The following C1QTNF2 variants were observed in gnomAD, a reference collection of about 807,000 sequenced individuals.
C1QTNF2 encodes the protein C1q and TNF related 2, also known as complement C1q tumor necrosis factor-related protein 2.
C1QTNF2 carries 15 observed loss-of-function variants against 17.4 expected under a neutral mutation model. The ratio of observed to expected loss-of-function variants is 0.86; its 90% CI spans 0.58 to 1.33. The LOEUF (loss-of-function observed/expected upper bound fraction) is 1.33. Ranked by LOEUF, C1QTNF2 falls within the 40% of genes most tolerant of loss-of-function variation. The pLI is 0.00. For missense variants in C1QTNF2, 381 were observed against 392.3 expected, an observed-to-expected ratio of 0.97 and a Z score of 0.24; for synonymous variants, 154 against 163.3, an observed-to-expected ratio of 0.94 and a Z score of 0.44.
At chr5:160,356,486 T>A (rs887919028) in intron 1 of C1QTNF2, among the ~76,000 whole-genome samples, 11 of 152,232 alleles carry the variant, frequency 7.2e-5, no homozygotes. Context: ...CTAATAAGTT[T>A]CCAAGGGATG....
At chr5:160,358,981 A>AT (rs761548097) in intron 1 of C1QTNF2, among the ~76,000 whole-genome samples, 3 of 151,956 alleles carry the variant, frequency 2.0e-5, no homozygotes, top group Non-Finnish European at 4.4e-5. Context: ...GGGTCTTGCC[A>AT]TGTCATCCGC....
At chr5:160,368,886 G>A (rs1764295749) in intron 1 of C1QTNF2, among the ~76,000 whole-genome samples, 1 of 152,136 alleles carries the variant, frequency 6.6e-6, no homozygotes, top group African/African-American at 2.4e-5. Context: ...GGCTTCAAAC[G>A]TGACTCCAGC....
chr5:160,348,991 G>A lies in C1QTNF2; in HGVS notation c.*177C>T. On this transcript the variant is annotated 3_prime_UTR_variant, in exon 3 of 3. Coordinates refer to ENST00000652664, the MANE Select transcript of C1QTNF2 (RefSeq NM_031908.6). Reference sequence around the variant, plus strand: ...TTAAAAAGAAGTGAATAAATAGATGGTTGGATGAATAAAAAGGTTTGGATT... The same window carrying A: ...TTAAAAAGAAGTGAATAAATAGATGATTGGATGAATAAAAAGGTTTGGATT... The A allele has an allele frequency of 1.4e-6, 1 of 690,382 alleles. No individual in the cohort carries two copies. Among genetic ancestry groups the A allele is most frequent in the Non-Finnish European group, 2.4e-6 (1 of 425,072 alleles). The allele number at this position is 690,382 out of a possible 1,614,324, so 42.8% of individuals were successfully genotyped here.
rs1211549013 is a variant in C1QTNF2 at position 160,348,619 on chromosome 5, T to C, written c.*549A>G. On this transcript the variant is annotated 3_prime_UTR_variant, in exon 3 of 3. Coordinates refer to ENST00000652664, the MANE Select transcript of C1QTNF2 (RefSeq NM_031908.6). Reference sequence around the variant, plus strand: ...GGGAAGGGAGGTGAGAAGTTGGAAATAGCTTGTTCTTTGATCTACATGGAG... The same window carrying C: ...GGGAAGGGAGGTGAGAAGTTGGAAACAGCTTGTTCTTTGATCTACATGGAG... 1 of 152,712 alleles carries C rather than the reference T, an allele frequency of 6.5e-6. No individual in the cohort carries two copies. Among genetic ancestry groups the C allele is most frequent in the African/African-American group, 2.4e-5 (1 of 41,458 alleles). The allele number at this position is 152,712 out of a possible 1,614,324, so 9.5% of individuals were successfully genotyped here.
rs73819861 is a variant in C1QTNF2 at position 160,365,662 on chromosome 5, G to C, written c.-10+4850C>G. Among the ~76,000 whole-genome samples the C allele has an allele frequency of 6.5e-3, 984 of 152,302 alleles. 11 individuals carry two copies. Among genetic ancestry groups the C allele is most frequent in the African/African-American group, 0.022 (901 of 41,548 alleles). ...GGTCTGGTGGTTAAGTTGTTTTCCA[G>C]CTGTTTGACCTTGGGCCAAGTTATT... On this transcript the variant is annotated intron_variant, in intron 1 of 2. Coordinates refer to ENST00000652664, the MANE Select transcript of C1QTNF2 (RefSeq NM_031908.6).
chr5:160,354,584 G>GAAAAAAA (rs200801719), intron 2 of C1QTNF2, among the ~76,000 whole-genome samples, 184 bp downstream of exon 2: 32 of 27,466 alleles, frequency 1.2e-3, no homozygotes, highest in African/African-American at 5.0e-3. Context: ...GTCTCAAGGG[G>GAAAAAAA]AAAAAAAAAA....
In C1QTNF2 at chr5:160,349,023, A is replaced by T. The variant is rs112473457; in HGVS notation, c.*145T>A. ...GAATAAAAAGGTTTGGATTTAATGA[A>T]GGGGAAAAAAAGAGGCAGAGGAGGT... is the stretch of plus-strand genomic sequence containing the variant. On this transcript the variant is annotated 3_prime_UTR_variant, in exon 3 of 3. Coordinates refer to ENST00000652664, the MANE Select transcript of C1QTNF2 (RefSeq NM_031908.6). This position sits in a 1 kb window ranked among gnomAD's most constrained non-coding sequence, Gnocchi z 4.3. 818 of 955,078 alleles carry T rather than the reference A, an allele frequency of 8.6e-4. 4 individuals are homozygous for T. In the African/African-American group the frequency reaches 0.012, roughly 13 times the overall value. The allele number at this position is 955,078 out of a possible 1,614,324, so 59.2% of individuals were successfully genotyped here.
Position 160,348,192 on chromosome 5 carries a change from C to T in C1QTNF2, c.*976G>A, listed in dbSNP as rs2113495198. On this transcript the variant is annotated 3_prime_UTR_variant, in exon 3 of 3. Coordinates refer to ENST00000652664, the MANE Select transcript of C1QTNF2 (RefSeq NM_031908.6). ...GAGCAGCGGTTCTCAGATGCACGTG[C>T]ATATCCTGGTGTATCTCATTCATTG... 1 of 152,320 alleles carries T rather than the reference C, an allele frequency of 6.6e-6. No individual in the cohort carries two copies. Among genetic ancestry groups the T allele is most frequent in the East Asian group, 1.9e-4 (1 of 5,186 alleles). 9.4% of individuals were successfully genotyped at this position (152,320 alleles called of 1,614,324 possible).
chr5:160,350,438 T>C (rs533965289), intron 2 of C1QTNF2, among the ~76,000 whole-genome samples: 1 of 152,298 alleles, frequency 6.6e-6, no homozygotes, highest in Non-Finnish European at 1.5e-5. Context: ...GCAAGGTGGC[T>C]CGCGTCTATA....
At chr5:160,356,503 A>T (rs942206351) in intron 1 of C1QTNF2, among the ~76,000 whole-genome samples, 1 of 152,314 alleles carries the variant, frequency 6.6e-6, no homozygotes, top group African/African-American at 2.4e-5. Context: ...GATGCTGCTG[A>T]TGGTGGTCCA....
intron 1 of C1QTNF2, among the ~76,000 whole-genome samples, chr5:160,360,257 G>T (rs1764129210): frequency 6.6e-6 from 1 of 152,184 alleles, no homozygotes; most frequent in Admixed American, 6.5e-5. Context: ...CAGGACCCCA[G>T]CTGGCCACCT....
intron 1 of C1QTNF2, among the ~76,000 whole-genome samples, chr5:160,357,284 A>T (rs531815623): frequency 1.3e-5 from 2 of 152,218 alleles, no homozygotes; most frequent in African/African-American, 2.4e-5. Flanking sequence ...GGAGACTTCA[A>T]CCAGGGGGAG....
At chr5:160,357,290 G>A (rs1764068824) in intron 1 of C1QTNF2, among the ~76,000 whole-genome samples, 2 of 152,162 alleles carry the variant, frequency 1.3e-5, no homozygotes, top group Admixed American at 1.3e-4. Flanking sequence ...TTCAACCAGG[G>A]GGAGGAGGAG....
intron 2 of C1QTNF2, among the ~76,000 whole-genome samples, chr5:160,354,374 T>C (rs1645075215): frequency 1.3e-5 from 2 of 151,660 alleles, no homozygotes; most frequent in Admixed American, 1.3e-4. Flanking sequence ...GGTCAGGAGT[T>C]TGAGACCAGC....
At chr5:160,359,112 A>G (rs551120984) in intron 1 of C1QTNF2, among the ~76,000 whole-genome samples, 3 of 152,222 alleles carry the variant, frequency 2.0e-5, no homozygotes, top group South Asian at 2.1e-4. Context: ...CTAGAGCCCT[A>G]TGAAGCTTAC....
chr5:160,354,857 C>G lies in C1QTNF2; in HGVS notation c.155G>C (p.Gly52Ala). Residue 52 changes from glycine (G) to alanine (A), a missense_variant, in exon 2 of 3, where the codon GGG becomes GCG. Physicochemically the swap from Gly to Ala is moderately conservative, Grantham distance 60 (BLOSUM62 0). Coordinates refer to ENST00000652664, the MANE Select transcript of C1QTNF2 (RefSeq NM_031908.6). Reference protein sequence around the residue: ...QGPPGPPGAPGPSGMMGRMGF... With the variant: ...QGPPGPPGAPAPSGMMGRMGF... ...CATTCGTCCCATCATTCCTGAGGGC[C>G]CTGGGGCTCCTGGGGGGCCGGGTGG... The G allele has an allele frequency of 3.1e-6, 5 of 1,609,604 alleles. No individual in the cohort carries two copies. The highest frequency in any genetic ancestry group is 4.2e-6 in the Non-Finnish European group (5 of 1,178,334).
chr5:160,350,286 C>T (rs931933059), intron 2 of C1QTNF2, among the ~76,000 whole-genome samples: 88 of 152,116 alleles, frequency 5.8e-4, no homozygotes, highest in Middle Eastern at 3.4e-3. Flanking sequence ...AAAAACATTA[C>T]GGTCCATCTA....
At position 160,354,952 on chromosome 5, in the gene C1QTNF2, G is replaced by A. The variant is rs142604768; in HGVS notation, c.60C>T (p.Gly20=). 1,674 of 1,594,124 alleles carry A rather than the reference G, an allele frequency of 1.1e-3. 13 individuals carry two copies. Among genetic ancestry groups the A allele is most frequent in the South Asian group, 5.5e-3 (484 of 87,650 alleles). The change falls in exon 2 of 3, where the codon GGC becomes GGT. Residue 20 remains glycine, a synonymous_variant. Transcript: ENST00000652664. ...TCCGGAAGTCCCTGCGAGCAAAGGC[G>A]CCAAGCAGTGGGTCAGCAGCACAGG... ...ALPCAADPLL[G]AFARRDFRKG... is the part of the protein sequence containing the mutation.
At chr5:160,358,568 A>G (rs1169685864) in intron 1 of C1QTNF2, among the ~76,000 whole-genome samples, 1 of 151,504 alleles carries the variant, frequency 6.6e-6, no homozygotes, top group Admixed American at 6.6e-5. Flanking sequence ...GGCTCAAGTG[A>G]TCCTCCTGCC....
Sources: allele counts gnomAD v4.1 joint callset (sites outside exome capture counted in the v4.1 genomes callset), GRCh38; gene constraint gnomAD v4.1.1; non-coding constraint Gnocchi (gnomAD v3.1); transcripts MANE v1.5; gene names NCBI Gene and HGNC (gene_info 2026-07-23, HGNC 2026-07-21).